Variants in IL4I1 observed in about 807,000 individuals in gnomAD.
IL4I1 encodes the protein L-amino-acid oxidase.
A neutral mutation model predicts 29.7 loss-of-function variants in IL4I1; 24 were observed. That is an observed-to-expected ratio of 0.81 (90% CI 0.59 to 1.14). The LOEUF (loss-of-function observed/expected upper bound fraction) is 1.14. Ranked by LOEUF, IL4I1 falls within the 50% of genes most tolerant of loss-of-function variation. IL4I1 has a pLI of 0.00. For synonymous variants in IL4I1, 371 were observed against 352.5 expected (o/e 1.05, Z -0.59); for missense variants, 686 against 785.6 (o/e 0.87, Z 1.52).
At chr19:49,915,422 G>A (rs2075598751) in intron 2 of IL4I1, among the ~76,000 whole-genome samples, 1 of 152,190 alleles carries the variant, frequency 6.6e-6, no homozygotes, top group African/African-American at 2.4e-5. Context: ...AGGAACACAG[G>A]CGGCTTCGGC....
Position 49,890,597 on chromosome 19 carries a change from G to A in IL4I1, c.777C>T (p.Tyr259=). Residue 259 remains tyrosine, a synonymous_variant, in exon 8 of 8, where the codon TAC becomes TAT. Transcript: ENST00000391826. ...GGTCCCAGCCACCCACGATGCGGCT[G>A]TACCTGCAGGCGGGGCGGGGCGGGG... is the stretch of plus-strand genomic sequence containing the variant. ...AHSCLSDRLQ[Y]SRIVGGWDLL... is the part of the protein sequence containing the mutation. 6.5e-6 allele frequency: 10 copies of A among 1,544,684 alleles called. No homozygotes were observed. Among genetic ancestry groups the A allele is most frequent in the Non-Finnish European group, 7.8e-6 (9 of 1,149,252 alleles).
Position 49,914,734 on chromosome 19 carries a change from T to TTTG in IL4I1, c.-227-10414_-227-10413insCAA, listed in dbSNP as rs1390007762. On this transcript the variant is annotated intron_variant, in intron 2 of 9. Coordinates refer to the IL4I1 transcript ENST00000341114. Reference sequence around the variant, plus strand: ...TGCCACTCCAAGTCCCAGTTTTTTTTTTTTTTTTTTTTTTTTTTTTTTTGA... The same window carrying TTTG: ...TGCCACTCCAAGTCCCAGTTTTTTTTTTGTTTTTTTTTTTTTTTTTTTTTTTGA... Among the ~76,000 whole-genome samples, 11 of 109,552 alleles carry TTTG rather than the reference T, an allele frequency of 1.0e-4. 1 individual carries two copies. Among genetic ancestry groups the TTTG allele is most frequent in the African/African-American group, 4.7e-4 (11 of 23,372 alleles). 71.9% of individuals were successfully genotyped at this position (109,552 alleles called of 152,430 possible). A position where few individuals can be genotyped will look rare whatever the true frequency, so the allele number is the denominator to read the frequency against.
intron 2 of IL4I1, among the ~76,000 whole-genome samples, chr19:49,917,050 G>A (rs1304591208): frequency 6.6e-6 from 1 of 152,256 alleles, no homozygotes; most frequent in Admixed American, 6.5e-5. Context: ...CTGTCTCCGT[G>A]GGACCTCCCC....
chr19:49,890,929 G>GTCCC, intron 7 of IL4I1, 42 bp downstream of exon 7: 2 of 454,452 alleles, frequency 4.4e-6, no homozygotes, highest in Non-Finnish European at 3.5e-6. Flanking sequence ...TTCCCTGATT[G>GTCCC]CCCCCCGCCC....
intron 2 of IL4I1, among the ~76,000 whole-genome samples, chr19:49,915,180 C>T (rs2075593402): frequency 6.6e-6 from 1 of 152,026 alleles, no homozygotes; most frequent in Admixed American, 6.6e-5. Context: ...AGAAAAACGG[C>T]CCCCAAACAT....
intron 2 of IL4I1, chr19:49,906,904 C>T (rs545327924): frequency 6.6e-6 from 1 of 152,476 alleles, no homozygotes; most frequent in East Asian, 1.9e-4. Flanking sequence ...AGTATAAAGA[C>T]AAATACAAAA....
chr19:49,901,655 G>C (rs1450256709), upstream of IL4I1: 3 of 1,530,542 alleles, frequency 2.0e-6, no homozygotes, highest in Non-Finnish European at 2.6e-6. Context: ...GCTGCCTCTG[G>C]GGGGCTCTCT....
At chr19:49,897,966 G>A (rs1320515524), upstream of IL4I1, among the ~76,000 whole-genome samples, 2 of 152,240 alleles carry the variant, frequency 1.3e-5, no homozygotes, top group South Asian at 2.1e-4. Flanking sequence ...GCGGGAGGCC[G>A]TGGCAAAGGG....
intron 2 of IL4I1, among the ~76,000 whole-genome samples, chr19:49,920,361 G>A (rs940896791): frequency 6.6e-6 from 1 of 152,298 alleles, no homozygotes; most frequent in Non-Finnish European, 1.5e-5. Flanking sequence ...GATTACAGGC[G>A]TGAGCCACCA....
At chr19:49,927,612 T>G (rs2075933850) in intron 2 of IL4I1, 1 of 152,174 alleles carries the variant, frequency 6.6e-6, no homozygotes, top group Admixed American at 6.5e-5. Flanking sequence ...GGACAGTAAG[T>G]GCTCTAAGGG....
chr19:49,916,280 G>A lies in IL4I1; in HGVS notation c.-228+11414C>T, dbSNP rs550062145. ...CTCACATCTGTAATCTCAGCACTTT[G>A]GGAGGCTGAGGTGGGTGGATCACCT... is the stretch of plus-strand genomic sequence containing the variant. On this transcript the variant is annotated intron_variant, in intron 2 of 9. Coordinates refer to the IL4I1 transcript ENST00000341114. Among the ~76,000 whole-genome samples the A allele has an allele frequency of 9.2e-5, 14 of 152,206 alleles. No homozygotes were observed. The East Asian group carries it at 2.7e-3, about 29-fold the overall frequency.
chr19:49,919,084 C>T (rs1490511086), intron 2 of IL4I1, among the ~76,000 whole-genome samples: 9 of 151,136 alleles, frequency 6.0e-5, no homozygotes, highest in African/African-American at 2.2e-4. Context: ...ACCTGGGAGG[C>T]GGAGGTTGCA....
At chr19:49,908,850 C>A (rs994182734) in intron 2 of IL4I1, 1 of 1,612,220 alleles carries the variant, frequency 6.2e-7, no homozygotes, top group South Asian at 1.1e-5. Flanking sequence ...GCCGCCCCTG[C>A]AGCTGCGCCA....
chr19:49,924,196 A>G (rs1366011434), intron 2 of IL4I1, among the ~76,000 whole-genome samples: 1 of 152,106 alleles, frequency 6.6e-6, no homozygotes, highest in Non-Finnish European at 1.5e-5. Context: ...CTGAGGTCCC[A>G]TCTAACTGGC....
intron 2 of IL4I1, chr19:49,907,383 T>C (rs1242738105): frequency 2.9e-6 from 1 of 348,842 alleles, no homozygotes; most frequent in African/African-American, 2.3e-5. Flanking sequence ...ACACCCTGTG[T>C]GTGCAGGCCC....
rs759450882 is a variant in IL4I1 at position 49,895,057 on chromosome 19, T to C, written c.365+11A>G. ...AGTCTAGGCACACAGGTGGGTGGGTTGCTAGGTCACCTGTGAGAGCTGGGC... is the reference window on the plus strand; with the variant it reads ...AGTCTAGGCACACAGGTGGGTGGGTCGCTAGGTCACCTGTGAGAGCTGGGC... On this transcript the variant is annotated intron_variant, in intron 4 of 7. Coordinates refer to ENST00000391826, the MANE Select transcript of IL4I1 (RefSeq NM_152899.2). 14 of 1,605,998 alleles carry C rather than the reference T, an allele frequency of 8.7e-6. No homozygotes were observed. Among genetic ancestry groups the C allele is most frequent in the Middle Eastern group, 3.3e-4 (2 of 6,064 alleles).
chr19:49,924,749 G>T (rs2075844838), intron 2 of IL4I1, among the ~76,000 whole-genome samples: 1 of 152,196 alleles, frequency 6.6e-6, no homozygotes, highest in South Asian at 2.1e-4. Context: ...AACAGGCTGG[G>T]AGGGGCTGGA....
upstream of IL4I1, chr19:49,901,759 G>A (rs890505992): frequency 4.2e-6 from 6 of 1,436,704 alleles, no homozygotes; most frequent in Admixed American, 2.3e-5. Flanking sequence ...GTCCTTGTTA[G>A]TGGTGCCCTT....
chr19:49,925,412 T>C (rs2075862231), intron 2 of IL4I1, among the ~76,000 whole-genome samples: 2 of 141,254 alleles, frequency 1.4e-5, no homozygotes, highest in Admixed American at 7.3e-5. Flanking sequence ...CTGGGCAACA[T>C]AGTAAGACCC....
Sources: gnomAD v4.1 joint callset for allele counts (sites outside exome capture counted in the v4.1 genomes callset) on GRCh38, gnomAD v4.1.1 for gene constraint, MANE v1.5 for transcripts, NCBI Gene and HGNC (gene_info 2026-07-23, HGNC 2026-07-21) for gene names.